Variants in CELF1 observed in about 807,000 individuals in gnomAD.
CELF1 encodes CUGBP Elav-like family member 1.
In CELF1, 10 loss-of-function variants were observed where a neutral mutation model predicts 61.8. That is an observed-to-expected ratio of 0.16 (90% CI 0.10 to 0.27). The LOEUF is 0.27. Among genes scored for constraint, CELF1 ranks in the 10% least tolerant of loss-of-function variants. CELF1 has a pLI of 1.00. For synonymous variants in CELF1, 236 were observed against 225.1 expected, an observed-to-expected ratio of 1.05 and a Z score of -0.43; for missense variants, 380 against 639.1, an observed-to-expected ratio of 0.59 and a Z score of 4.37.
intron 8 of CELF1, 135 bp downstream of exon 8, chr11:47,483,318 G>A: frequency 1.4e-6 from 1 of 696,996 alleles, no homozygotes; most frequent in Non-Finnish European, 2.6e-6. Flanking sequence ...AGAAATCAGT[G>A]GTTTTTAACT....
intron 1 of CELF1, among the ~76,000 whole-genome samples, chr11:47,529,654 G>A (rs890523624): frequency 3.3e-5 from 5 of 151,604 alleles, no homozygotes; most frequent in African/African-American, 4.8e-5. Flanking sequence ...GCGAGACTCC[G>A]ACTCGGGAAA....
intron 1 of CELF1, among the ~76,000 whole-genome samples, chr11:47,505,752 A>G (rs1333193571): frequency 6.7e-6 from 1 of 148,860 alleles, no homozygotes; most frequent in African/African-American, 2.5e-5. Flanking sequence ...GGAGTTCGAG[A>G]CCTGTCTCTA....
chr11:47,562,929 A>G lies in CELF1; in HGVS notation c.-11+1422T>C, dbSNP rs2097231090. Among the ~76,000 whole-genome samples, 3 of 151,382 alleles carry G rather than the reference A, an allele frequency of 2.0e-5. No individual in the cohort carries two copies. In the South Asian group the frequency reaches 6.3e-4, roughly 32 times the overall value. On this transcript the variant is annotated intron_variant, in intron 2 of 3. Coordinates refer to the CELF1 transcript ENST00000525841. ...ACCATGTTGGCCAGGCTGGTCTCAA[A>G]CTCCTGACCTCAGGTGATCTGCCTG...
At position 47,520,816 on chromosome 11, in the gene CELF1, T is replaced by TC. The variant is rs374205099; in HGVS notation, c.-153-19885dup. On this transcript the variant is annotated intron_variant, in intron 1 of 14. Transcript: ENST00000687097. ...AGTGAGAACCAATCTCTTCCTGCGC[T>TC]CCCCCCCGACCCAAAAAAGGCTAAA... Among the ~76,000 whole-genome samples the TC allele has an allele frequency of 1.6e-3, 244 of 150,414 alleles. 4 individuals are homozygous for TC. The highest frequency in any genetic ancestry group is 3.6e-3 in the Middle Eastern group (1 of 280).
intron 1 of CELF1, among the ~76,000 whole-genome samples, chr11:47,540,485 T>C (rs879132918): frequency 6.6e-6 from 1 of 152,208 alleles, no homozygotes; most frequent in Non-Finnish European, 1.5e-5. Context: ...AATCACCCAC[T>C]AGCTGACAAA....
At chr11:47,508,384 T>C (rs1308107950) in intron 1 of CELF1, among the ~76,000 whole-genome samples, 2 of 151,956 alleles carry the variant, frequency 1.3e-5, no homozygotes, top group Non-Finnish European at 2.9e-5. Context: ...AGACTCAGAC[T>C]GCAAGCTAGT....
intron 3 of CELF1, among the ~76,000 whole-genome samples, chr11:47,497,005 T>G (rs1306698872): frequency 1.3e-5 from 2 of 152,156 alleles, no homozygotes; most frequent in Non-Finnish European, 2.9e-5. Context: ...TACCTAAGAT[T>G]AGCACCCAGT....
chr11:47,548,807 A>C lies in CELF1; in HGVS notation c.-154+4185T>G, dbSNP rs191509360. Among the ~76,000 whole-genome samples the C allele has an allele frequency of 4.1e-3, 601 of 148,238 alleles. 2 individuals carry two copies. Among genetic ancestry groups the C allele is most frequent in the Admixed American group, 6.6e-3 (96 of 14,506 alleles). ...CTTGAACCCAGTGGGCGGAAGTTGC[A>C]GTGAGCAGAGATCACACCACTGCAC... On this transcript the variant is annotated intron_variant, in intron 1 of 14. Coordinates refer to ENST00000687097, the MANE Select transcript of CELF1 (RefSeq NM_001376376.1).
intron 1 of CELF1, among the ~76,000 whole-genome samples, chr11:47,538,507 G>A (rs1026605470): frequency 6.6e-6 from 1 of 152,034 alleles, no homozygotes; most frequent in Non-Finnish European, 1.5e-5. Context: ...GCCAGGCATG[G>A]TGGTGGGCAC....
chr11:47,505,216 C>A (rs1169085106), intron 1 of CELF1, among the ~76,000 whole-genome samples: 1 of 151,236 alleles, frequency 6.6e-6, no homozygotes, highest in Non-Finnish European at 1.5e-5. Flanking sequence ...CAAATTGTGA[C>A]CACCCTTCCA....
chr11:47,562,965 C>T (rs996027281), intron 2 of CELF1, among the ~76,000 whole-genome samples: 9 of 151,812 alleles, frequency 5.9e-5, no homozygotes, highest in East Asian at 1.9e-4. Context: ...CCTCTGCCTC[C>T]GCCTCCCAAA....
chr11:47,540,254 G>T (rs565867108), intron 1 of CELF1, among the ~76,000 whole-genome samples: 2 of 152,298 alleles, frequency 1.3e-5, no homozygotes, highest in African/African-American at 4.8e-5. Flanking sequence ...GATTAGCTGT[G>T]CACTAAATGA....
At chr11:47,487,792 T>C (rs1182750081) in intron 4 of CELF1, among the ~76,000 whole-genome samples, 1 of 152,244 alleles carries the variant, frequency 6.6e-6, no homozygotes, top group Non-Finnish European at 1.5e-5. Context: ...TCATCAAATA[T>C]AATTAAGCTT....
intron 3 of CELF1, among the ~76,000 whole-genome samples, 153 bp downstream of exon 3, chr11:47,499,300 T>A (rs1052944942): frequency 6.6e-6 from 1 of 152,168 alleles, no homozygotes; most frequent in African/African-American, 2.4e-5. Context: ...CAGACTACAA[T>A]TGAAAATAAT....
chr11:47,548,634 G>C (rs1394251716), intron 1 of CELF1, among the ~76,000 whole-genome samples: 1 of 152,104 alleles, frequency 6.6e-6, no homozygotes, highest in Non-Finnish European at 1.5e-5. Flanking sequence ...GGGAGGTCGA[G>C]GCGGGCGGAT....
chr11:47,543,307 G>A (rs567055396), intron 1 of CELF1, among the ~76,000 whole-genome samples: 1 of 152,054 alleles, frequency 6.6e-6, no homozygotes, highest in Non-Finnish European at 1.5e-5. Context: ...AGGCTGAGGT[G>A]GGGAAGAATC....
At chr11:47,513,228 T>C (rs1024832462) in intron 1 of CELF1, among the ~76,000 whole-genome samples, 21 of 152,258 alleles carry the variant, frequency 1.4e-4, no homozygotes, top group Non-Finnish European at 1.5e-5. Context: ...AAAATGTTGT[T>C]AGTGAACTAT....
rs2080648365 is a variant in CELF1 at position 47,477,210 on chromosome 11, A to C, written c.973+87T>G. 2.8e-6 allele frequency: 4 copies of C among 1,449,688 alleles called. No homozygotes were observed. In the African/African-American group the frequency reaches 4.3e-5, roughly 15 times the overall value. The allele number at this position is 1,449,688 out of a possible 1,614,324, so 89.8% of individuals were successfully genotyped here. A position where few individuals can be genotyped will look rare whatever the true frequency, so the allele number is the denominator to read the frequency against. ...CTGACCTCTCTGGAAACAGGTGTTA[A>C]CTATTTTCCCTCTCTGGACTCTGCC... On this transcript the variant is annotated intron_variant, in intron 11 of 14. Coordinates refer to ENST00000687097, the MANE Select transcript of CELF1 (RefSeq NM_001376376.1).
intron 1 of CELF1, among the ~76,000 whole-genome samples, chr11:47,509,897 C>CAAAA (rs34105209): frequency 1.2e-4 from 16 of 136,414 alleles, no homozygotes; most frequent in South Asian, 2.4e-4. Flanking sequence ...TGTGGTGTCT[C>CAAAA]AAAAAAAAAA....
Sources: gnomAD v4.1 joint callset for allele counts (sites outside exome capture counted in the v4.1 genomes callset) on GRCh38, gnomAD v4.1.1 for gene constraint, MANE v1.5 for transcripts, NCBI Gene and HGNC (gene_info 2026-07-23, HGNC 2026-07-21) for gene names.